The following ABCC2 variants were observed in gnomAD, a reference collection of about 807,000 sequenced individuals.
ABCC2 encodes ATP binding cassette subfamily C member 2.
ABCC2 carries 157 observed loss-of-function variants against 173.4 expected under a neutral mutation model. The observed-to-expected ratio is 0.91, with a 90% CI of 0.80 to 1.03. The LOEUF (loss-of-function observed/expected upper bound fraction) is 1.03. Ranked by LOEUF, ABCC2 falls within the 50% of genes least tolerant of loss-of-function variation. The pLI is 0.00. For synonymous variants in ABCC2, 657 were observed against 693.5 expected (o/e 0.95, Z 0.83); for missense variants, 1,822 against 1,852.3 (o/e 0.98, Z 0.30).
chr10:99,847,194 C>G, intron 30 of ABCC2, 67 bp downstream of exon 30: 2 of 1,572,876 alleles, frequency 1.3e-6, no homozygotes, highest in Non-Finnish European at 1.7e-6. Context: ...TCCTCGTGTT[C>G]CTCGTGTTAG....
intron 28 of ABCC2, among the ~76,000 whole-genome samples, chr10:99,845,060 C>T (rs1476886017): frequency 6.6e-6 from 1 of 152,042 alleles, no homozygotes; most frequent in Non-Finnish European, 1.5e-5. Flanking sequence ...GATGGAGTCT[C>T]ACTCTATCAC....
intron 30 of ABCC2, among the ~76,000 whole-genome samples, chr10:99,848,250 C>T (rs141195804): frequency 3.0e-4 from 46 of 152,380 alleles, no homozygotes; most frequent in African/African-American, 1.1e-3. Flanking sequence ...CAACAAAAGA[C>T]TCTCTTGGCT....
At chr10:99,826,484 T>A (rs914772463) in intron 19 of ABCC2, among the ~76,000 whole-genome samples, 1 of 151,524 alleles carries the variant, frequency 6.6e-6, no homozygotes, top group Admixed American at 6.6e-5. Context: ...TCGAACCTTG[T>A]CTTACTGTAT....
At chr10:99,804,884 C>G (rs1210985136) in intron 10 of ABCC2, among the ~76,000 whole-genome samples, 2 of 152,220 alleles carry the variant, frequency 1.3e-5, no homozygotes, top group African/African-American at 4.8e-5. Flanking sequence ...TCTCATGGAT[C>G]TTACATTCTA....
Position 99,804,242 on chromosome 10 carries a change from C to T in ABCC2, c.1433C>T (p.Ala478Val), listed in dbSNP as rs201399138. 1.3e-4 allele frequency: 210 copies of T among 1,613,918 alleles called. 5 individuals are homozygous for T. The South Asian group carries it at 1.7e-3, about 13-fold the overall frequency. Residue 478 changes from alanine (A) to valine (V), a missense_variant, in exon 10 of 32, where the codon GCG (alanine) becomes GTG (valine). Physicochemically the swap from Ala to Val is moderately conservative, Grantham distance 64. Coordinates refer to ENST00000647814, the MANE Select transcript of ABCC2 (RefSeq NM_000392.5). ...GVMVLVIPIN[A>V]ILSTKSKTIQ... ...ATGGTGCTTGTAATCCCAATTAATG[C>T]GATACTGTCCACCAAGAGTAAGACC...
chr10:99,836,973 A>G (rs571073585), intron 25 of ABCC2, among the ~76,000 whole-genome samples: 12 of 147,796 alleles, frequency 8.1e-5, no homozygotes, highest in African/African-American at 2.8e-4. Context: ...ACAGGTCAGG[A>G]GTTTGATTGT....
chr10:99,800,983 C>T (rs2038007096), intron 9 of ABCC2, among the ~76,000 whole-genome samples: 1 of 152,196 alleles, frequency 6.6e-6, no homozygotes, highest in African/African-American at 2.4e-5. Context: ...AAATCCAGCT[C>T]AGAGACCTGG....
At chr10:99,826,462 G>T (rs2133100427) in intron 19 of ABCC2, among the ~76,000 whole-genome samples, 1 of 151,548 alleles carries the variant, frequency 6.6e-6, no homozygotes, top group South Asian at 2.1e-4. Context: ...ACAAAATCAG[G>T]GTAGGGCTCT....
Position 99,851,759 on chromosome 10 carries a change from C to T in ABCC2, c.*128C>T. 1.1e-6 allele frequency: 1 copy of T among 935,358 alleles called. No individual in the cohort carries two copies. Among genetic ancestry groups the T allele is most frequent in the Non-Finnish European group, 1.6e-6 (1 of 639,918 alleles). The allele number at this position is 935,358 out of a possible 1,614,324, so 57.9% of individuals were successfully genotyped here. ...CGTTTTAAAAAAGGATAAGTGAACA[C>T]CCATGAACCTACTACCCAGGTTAAG... On this transcript the variant is annotated 3_prime_UTR_variant, in exon 32 of 32. Transcript: ENST00000647814.
intron 17 of ABCC2, 54 bp from the exon 18 acceptor site, chr10:99,818,736 C>G: frequency 6.2e-7 from 1 of 1,603,430 alleles, no homozygotes; most frequent in East Asian, 2.2e-5. Context: ...CTATTAGATT[C>G]TGTGAAGGTG....
At chr10:99,807,584 G>C (rs1024996048) in intron 12 of ABCC2, 63 bp downstream of exon 12, 30 of 1,609,502 alleles carry the variant, frequency 1.9e-5, no homozygotes, top group Non-Finnish European at 2.6e-5. Flanking sequence ...TTCCTGAAGA[G>C]GAAGTTCACT....
chr10:99,787,634 TG>T (rs1292371607), intron 2 of ABCC2, among the ~76,000 whole-genome samples: 2 of 152,236 alleles, frequency 1.3e-5, no homozygotes, highest in African/African-American at 2.4e-5. Context: ...CTAACGCAAT[TG>T]TTTTTTTAAT....
intron 13 of ABCC2, among the ~76,000 whole-genome samples, chr10:99,809,853 A>G (rs1294930643): frequency 6.6e-6 from 1 of 152,180 alleles, no homozygotes; most frequent in African/African-American, 2.4e-5. Flanking sequence ...ATAGAAGTTA[A>G]TTTTTTGTCT....
At chr10:99,790,826 C>T (rs2037799751) in intron 2 of ABCC2, among the ~76,000 whole-genome samples, 2 of 152,134 alleles carry the variant, frequency 1.3e-5, no homozygotes, top group African/African-American at 4.8e-5. Context: ...CATTCATCTC[C>T]TTTCTTGGCT....
At chr10:99,818,333 C>T (rs1303130817) in intron 17 of ABCC2, among the ~76,000 whole-genome samples, 3 of 152,168 alleles carry the variant, frequency 2.0e-5, no homozygotes, top group Non-Finnish European at 4.4e-5. Context: ...TTTTCATCCT[C>T]CCTCCCCATT....
In ABCC2 at chr10:99,810,122, G is replaced by A. The variant is rs765207080; in HGVS notation, c.1816-12G>A. ...GACTTTAATTCTTGAGATCCTTTGT[G>A]TCCTTCTCTAGGCCAGTGTTTCCAC... On this transcript the variant is annotated splice_polypyrimidine_tract_variant and intron_variant, in intron 13 of 31. Coordinates refer to ENST00000647814, the MANE Select transcript of ABCC2 (RefSeq NM_000392.5). 1 of 1,611,928 alleles carries A rather than the reference G, an allele frequency of 6.2e-7. No individual in the cohort carries two copies.
rs1644001013 is a variant in ABCC2, at chr10:99,843,805, C to T, written c.3748C>T (p.Gln1250Ter). ...TCTTCTGGTTTTTCTGTAGATCACA[C>T]AAACCCTGAACTGGCTGGTGAGGAT... ...FVLSNALNIT[Q>*]TLNWLVRMTS... The change falls in exon 27 of 32, where the codon CAA (glutamine) becomes TAA (stop). Residue 1250 changes from glutamine to a stop codon, truncating the protein, a stop_gained. Coordinates refer to ENST00000647814, the MANE Select transcript of ABCC2 (RefSeq NM_000392.5). LOFTEE classifies it high-confidence loss of function. The T allele has an allele frequency of 1.2e-6, 2 of 1,613,800 alleles. No homozygotes were observed. The highest frequency in any genetic ancestry group is 1.7e-6 in the Non-Finnish European group (2 of 1,179,844).
Position 99,836,095 on chromosome 10 carries a change from T to C in ABCC2, c.3419T>C (p.Phe1140Ser), listed in dbSNP as rs993439234. ...LGIIYVSVQM[F>S]YVSTSRQLRR... Reference sequence around the variant, plus strand: ...TTCTTTACTTTTTGTGTCCAGATGTTTTATGTGTCTACCTCCCGCCAGCTG... The same window carrying C: ...TTCTTTACTTTTTGTGTCCAGATGTCTTATGTGTCTACCTCCCGCCAGCTG... Residue 1140 changes from phenylalanine to serine, a missense_variant, in exon 25 of 32, where the codon TTT becomes TCT. Physicochemically the swap from Phe to Ser is radical, Grantham distance 155 (BLOSUM62 -2). Transcript: ENST00000647814. The C allele has an allele frequency of 6.2e-7, 1 of 1,613,374 alleles. No homozygotes were observed. The highest frequency in any genetic ancestry group is 1.7e-5 in the Admixed American group (1 of 60,022).
chr10:99,846,162 G>A (rs1447126975), intron 29 of ABCC2, among the ~76,000 whole-genome samples: 1 of 152,232 alleles, frequency 6.6e-6, no homozygotes, highest in East Asian at 1.9e-4. Flanking sequence ...AAAGATAGAG[G>A]AGGGAATTTG....
Sources: gnomAD v4.1 joint callset for allele counts (sites outside exome capture counted in the v4.1 genomes callset) on GRCh38, gnomAD v4.1.1 for gene constraint, MANE v1.5 for transcripts, NCBI Gene and HGNC (gene_info 2026-07-23, HGNC 2026-07-21) for gene names.